PKD2: variants seen among roughly 807,000 people sequenced by gnomAD.
The protein encoded by PKD2 is polycystin 2, transient receptor potential cation channel, also known as polycystin-2.
Under a neutral mutation model 105.9 loss-of-function variants are expected in PKD2, and 48 were observed. The ratio of observed to expected loss-of-function variants is 0.45; its 90% confidence interval spans 0.36 to 0.58. The LOEUF (loss-of-function observed/expected upper bound fraction) is 0.58, where lower values mean the gene tolerates loss of function less well. PKD2 is among the 20% of genes least tolerant of loss of function. PKD2 has a pLI of 0.00. For synonymous variants in PKD2, 464 were observed against 481.1 expected (o/e 0.96, Z 0.46); for missense variants, 1,078 against 1,255.3 (o/e 0.86, Z 2.13).
chr4:88,018,563 G>T (rs900083307), intron 1 of PKD2, among the ~76,000 whole-genome samples: 1 of 152,158 alleles, frequency 6.6e-6, no homozygotes, highest in African/African-American at 2.4e-5. Flanking sequence ...AAAGTGTTAA[G>T]GTTCTTCCAA....
intron 1 of PKD2, among the ~76,000 whole-genome samples, chr4:88,017,434 G>T (rs1445139113): frequency 6.6e-6 from 1 of 152,282 alleles, no homozygotes; most frequent in East Asian, 1.9e-4. Flanking sequence ...TTTCAAGATG[G>T]AGTCTCACTC....
intron 2 of PKD2, among the ~76,000 whole-genome samples, chr4:88,024,511 A>C (rs1423928812): frequency 6.6e-6 from 1 of 151,450 alleles, no homozygotes; most frequent in African/African-American, 2.4e-5. Context: ...AGGAAAGAAA[A>C]AAAAAGGAAA....
intron 2 of PKD2, among the ~76,000 whole-genome samples, chr4:88,027,144 TC>T (rs1475219541): frequency 6.6e-6 from 1 of 152,170 alleles, no homozygotes; most frequent in African/African-American, 2.4e-5. Context: ...ACCACCATCC[TC>T]CAGACTCCAG....
intron 8 of PKD2, 141 bp from the exon 9 acceptor site, chr4:88,057,842 G>T: frequency 1.4e-6 from 1 of 706,336 alleles, no homozygotes; most frequent in Non-Finnish European, 2.6e-6. Flanking sequence ...TTTGTAAATG[G>T]GATTGACAAT....
intron 5 of PKD2, among the ~76,000 whole-genome samples, chr4:88,044,402 T>C (rs1465555523): frequency 6.6e-6 from 1 of 152,218 alleles, no homozygotes; most frequent in African/African-American, 2.4e-5. Flanking sequence ...CATAATAGTC[T>C]TTGTCATCAT....
chr4:88,071,610 G>A (rs1721035992), intron 13 of PKD2, among the ~76,000 whole-genome samples: 1 of 151,580 alleles, frequency 6.6e-6, no homozygotes, highest in South Asian at 2.1e-4. Context: ...ATAATATATT[G>A]TAGGAACTCT....
intron 2 of PKD2, among the ~76,000 whole-genome samples, chr4:88,027,432 A>G (rs1726996648): frequency 6.6e-6 from 1 of 152,208 alleles, no homozygotes; most frequent in Non-Finnish European, 1.5e-5. Flanking sequence ...TGGAATGGGA[A>G]CATATACCCA....
chr4:88,022,208 T>A (rs1263415908), intron 2 of PKD2, among the ~76,000 whole-genome samples: 1 of 152,234 alleles, frequency 6.6e-6, no homozygotes, highest in Non-Finnish European at 1.5e-5. Flanking sequence ...AAATTTCATC[T>A]TGTTAGGATC....
Position 88,074,855 on chromosome 4 carries a change from A to G in PKD2, c.2566A>G (p.Ile856Val), listed in dbSNP as rs776135095. 1 of 1,614,144 alleles carries G rather than the reference A, an allele frequency of 6.2e-7. No homozygotes were observed. Among genetic ancestry groups the G allele is most frequent in the Non-Finnish European group, 8.5e-7 (1 of 1,180,014 alleles). ...CCGGATGGAGCATTCCATCGGCAGC[A>G]TAGTGTCCAAGATTGACGCCGTGAT... ...VDRMEHSIGS[I>V]VSKIDAVIVK... Residue 856 changes from isoleucine (I) to valine (V), a missense_variant, in exon 14 of 15, where the codon ATA (isoleucine) becomes GTA (valine). Transcript: ENST00000237596.
At chr4:88,013,695 T>G (rs1578114849) in intron 1 of PKD2, among the ~76,000 whole-genome samples, 3 of 142,338 alleles carry the variant, frequency 2.1e-5, no homozygotes, top group Non-Finnish European at 3.0e-5. Context: ...CAGTGAGAGG[T>G]GAGAGCCTGT....
chr4:88,032,247 A>G (rs1365964737), intron 2 of PKD2, among the ~76,000 whole-genome samples: 1 of 152,112 alleles, frequency 6.6e-6, no homozygotes, highest in East Asian at 1.9e-4. Flanking sequence ...ACTATTCTAC[A>G]ATACCCTTTA....
At chr4:88,014,899 C>A (rs1439569866) in intron 1 of PKD2, among the ~76,000 whole-genome samples, 1 of 152,186 alleles carries the variant, frequency 6.6e-6, no homozygotes, top group African/African-American at 2.4e-5. Flanking sequence ...CCCAGAACAA[C>A]CCCACAAAAA....
rs1475381751 is a variant in PKD2, at chr4:88,076,894, T to C, written c.*1200T>C. ...TGTGTTTCAAAACTAGAATTTGTAA[T>C]GCAAATGGAGCTCAGTCTAATAAAA... On this transcript the variant is annotated 3_prime_UTR_variant, in exon 15 of 15. Transcript: ENST00000237596. 1 of 152,168 alleles carries C rather than the reference T, an allele frequency of 6.6e-6. No homozygotes were observed. Among genetic ancestry groups the C allele is most frequent in the African/African-American group, 2.4e-5 (1 of 41,442 alleles). The allele number at this position is 152,168 out of a possible 1,614,324, so 9.4% of individuals were successfully genotyped here. A position where few individuals can be genotyped will look rare whatever the true frequency, so the allele number is the denominator to read the frequency against.
chr4:88,015,146 G>A (rs1726515615), intron 1 of PKD2, among the ~76,000 whole-genome samples: 1 of 152,206 alleles, frequency 6.6e-6, no homozygotes, highest in Non-Finnish European at 1.5e-5. Flanking sequence ...ATTTACAGAT[G>A]AAGTGATACA....
intron 1 of PKD2, among the ~76,000 whole-genome samples, chr4:88,011,267 GA>G (rs1578113432): frequency 6.6e-6 from 1 of 151,314 alleles, no homozygotes. Flanking sequence ...ATGTTTTTCT[GA>G]ATGTATCAAC....
chr4:88,056,645 G>GA (rs1412476739), intron 8 of PKD2, among the ~76,000 whole-genome samples: 4 of 151,612 alleles, frequency 2.6e-5, no homozygotes, highest in Non-Finnish European at 4.4e-5. Context: ...ATTTTCTAAG[G>GA]AAAAAAACAA....
intron 9 of PKD2, 93 bp from the exon 10 acceptor site, chr4:88,061,813 G>T (rs552666227): frequency 3.6e-5 from 26 of 718,046 alleles, no homozygotes; most frequent in Non-Finnish European, 5.7e-5. Context: ...AGGAAAAAAA[G>T]GATAAACAAA....
chr4:88,054,270 A>C lies in PKD2; in HGVS notation c.1717-1816A>C, dbSNP rs1375893108. ...AAAAAAATTAGCTGGGTGTGGTGGC[A>C]CGTGCCTATGATCCCAGCTACTTGG... On this transcript the variant is annotated intron_variant, in intron 7 of 14. Coordinates refer to ENST00000237596, the MANE Select transcript of PKD2 (RefSeq NM_000297.4). Among the ~76,000 whole-genome samples the C allele has an allele frequency of 2.0e-5, 3 of 151,928 alleles. No homozygotes were observed. The East Asian group carries it at 5.8e-4, about 30-fold the overall frequency.
chr4:88,049,496 A>G (rs1727896243), intron 6 of PKD2, among the ~76,000 whole-genome samples: 2 of 152,216 alleles, frequency 1.3e-5, no homozygotes, highest in Non-Finnish European at 2.9e-5. Flanking sequence ...ACAACACTTA[A>G]TACTGCCAGA....
Sources: allele counts gnomAD v4.1 joint callset (sites outside exome capture counted in the v4.1 genomes callset), GRCh38; gene constraint gnomAD v4.1.1; transcripts MANE v1.5; gene names NCBI Gene and HGNC (gene_info 2026-07-23, HGNC 2026-07-21).